ADGRF3: variants seen among roughly 807,000 people sequenced by gnomAD.
The protein encoded by ADGRF3 is G protein-coupled receptor 113.
A neutral mutation model predicts 93.2 loss-of-function variants in ADGRF3; 85 were observed. That is an observed-to-expected ratio of 0.91 (90% CI 0.77 to 1.09). ADGRF3 has a LOEUF of 1.09. ADGRF3 is among the 50% of genes least tolerant of loss of function. ADGRF3 has a pLI of 0.00. For missense variants in ADGRF3, 1,125 were observed against 1,246.2 expected (o/e 0.90, Z 1.46); for synonymous variants, 534 against 532.5 (o/e 1.00, Z -0.04).
At chr2:26,322,672 G>C (rs927315088) in intron 1 of ADGRF3, among the ~76,000 whole-genome samples, 2 of 152,224 alleles carry the variant, frequency 1.3e-5, no homozygotes, top group Non-Finnish European at 2.9e-5. Flanking sequence ...GCCTAGCACC[G>C]TGCATTGGAG....
chr2:26,324,112 G>A (rs917097768), intron 1 of ADGRF3, among the ~76,000 whole-genome samples: 4 of 152,128 alleles, frequency 2.6e-5, no homozygotes, highest in Admixed American at 6.5e-5. Flanking sequence ...TTAGCTGGGT[G>A]TGGCGGCACA....
chr2:26,320,724 T>G (rs1490718853), intron 1 of ADGRF3, among the ~76,000 whole-genome samples: 1 of 152,170 alleles, frequency 6.6e-6, no homozygotes, highest in African/African-American at 2.4e-5. Flanking sequence ...ATGAGTTGAT[T>G]AAACAATCAA....
chr2:26,330,397 C>T lies in ADGRF3; in HGVS notation c.115-12835G>A, dbSNP rs75011572. 9.0e-3 allele frequency among the ~76,000 whole-genome samples: 1,365 copies of T among 152,234 alleles called. 29 individuals carry two copies. Among genetic ancestry groups the T allele is most frequent in the African/African-American group, 0.031 (1,296 of 41,522 alleles). ...AGTACTTTCTGATTCCCTGGGACTC[C>T]TCTTTTTGGTTCTCTGGCCAGAAAT... On this transcript the variant is annotated intron_variant, in intron 1 of 13. Coordinates refer to ENST00000651242, the MANE Select transcript of ADGRF3 (RefSeq NM_001321971.2).
chr2:26,320,587 C>T (rs1675095754), intron 1 of ADGRF3, among the ~76,000 whole-genome samples: 2 of 152,156 alleles, frequency 1.3e-5, no homozygotes, highest in Admixed American at 1.3e-4. Flanking sequence ...CAAGAAGATA[C>T]TATTTCTCAC....
intron 4 of ADGRF3, 89 bp downstream of exon 4, chr2:26,316,186 G>A (rs13422500): frequency 0.047 from 64,508 of 1,362,770 alleles, 5,035 homozygotes; most frequent in African/African-American, 0.34. Context: ...GGACCAGCTG[G>A]CCAAACTACA....
intron 1 of ADGRF3, chr2:26,317,954 G>A (rs1383540959): frequency 2.3e-6 from 3 of 1,276,910 alleles, no homozygotes; most frequent in East Asian, 5.0e-5. Context: ...TGACAGCAGG[G>A]TGAGCAGAAG....
chr2:26,313,881 G>A lies in ADGRF3; in HGVS notation c.951C>T (p.Gly317=). ...GAACAGCCAGCACAAAGCACTGAGA[G>A]CCTGACTCGTTGAAGGAGGAAGCTG... The part of the protein sequence containing the change: ...GSKASSFNES[G]SQCFVLAVQR... The change falls in exon 7 of 14, where the codon GGC becomes GGT. Residue 317 remains glycine (G), a synonymous_variant. Transcript: ENST00000651242. 1 of 1,614,046 alleles carries A rather than the reference G, an allele frequency of 6.2e-7. No homozygotes were observed. Among genetic ancestry groups the A allele is most frequent in the Admixed American group, 1.7e-5 (1 of 60,030 alleles).
chr2:26,344,732 C>T (rs1182522744), intron 1 of ADGRF3, among the ~76,000 whole-genome samples: 1 of 152,068 alleles, frequency 6.6e-6, no homozygotes, highest in Non-Finnish European at 1.5e-5. Flanking sequence ...ACTTGGGAGA[C>T]GGAAGCAAGA....
At chr2:26,318,753 G>A in intron 1 of ADGRF3, 1 of 709,412 alleles carries the variant, frequency 1.4e-6, no homozygotes, top group South Asian at 2.0e-5. Flanking sequence ...ACTCAAATAA[G>A]GAAACAAGAG....
chr2:26,316,859 G>C, intron 3 of ADGRF3, 53 bp downstream of exon 3: 1 of 1,538,934 alleles, frequency 6.5e-7, no homozygotes, highest in African/African-American at 1.4e-5. Context: ...GCTGCAGGAG[G>C]CCCGGGAGCC....
chr2:26,327,833 T>TA (rs113090429), intron 1 of ADGRF3, among the ~76,000 whole-genome samples: 46 of 146,504 alleles, frequency 3.1e-4, no homozygotes, highest in African/African-American at 6.7e-4. Flanking sequence ...CGTCTTCTTT[T>TA]AAAAAAAAAA....
At position 26,311,060 on chromosome 2, in the gene ADGRF3, C is replaced by T; in HGVS notation, c.2464G>A (p.Gly822Ser). ...GCCAACCCCAGTGGGCACAGGTAGC[C>T]CAGGAGCACCATGAGGGGGAGAACT... ...HRVLPLMVLL[G>S]YLCPLGLAGV... The change falls in exon 10 of 14, where the codon GGC becomes AGC. Residue 822 changes from glycine to serine, a missense_variant. Gly to Ser is a moderately conservative substitution (Grantham distance 56, BLOSUM62 0). Transcript: ENST00000651242. 1.2e-6 allele frequency: 2 copies of T among 1,608,590 alleles called. No homozygotes were observed. Among genetic ancestry groups the T allele is most frequent in the Non-Finnish European group, 1.7e-6 (2 of 1,177,636 alleles).
intron 1 of ADGRF3, among the ~76,000 whole-genome samples, chr2:26,326,773 C>A (rs1054020693): frequency 1.3e-5 from 2 of 151,922 alleles, no homozygotes; most frequent in Non-Finnish European, 2.9e-5. Flanking sequence ...ATGGAAGTAG[C>A]CTTTTTCTTT....
chr2:26,316,515 C>G, intron 3 of ADGRF3, 67 bp from the exon 4 acceptor site: 1 of 1,473,634 alleles, frequency 6.8e-7, no homozygotes, highest in Non-Finnish European at 9.2e-7. Context: ...AGGGCAGACA[C>G]CTGCCTGATG....
intron 1 of ADGRF3, chr2:26,317,954 G>T: frequency 7.8e-7 from 1 of 1,277,028 alleles, no homozygotes; most frequent in South Asian, 1.3e-5. Context: ...TGACAGCAGG[G>T]TGAGCAGAAG....
Position 26,311,042 on chromosome 2 carries a change from C to A in ADGRF3, c.2482G>T (p.Gly828Trp), listed in dbSNP as rs1421569965. The A allele has an allele frequency of 1.2e-6, 2 of 1,610,404 alleles. No individual in the cohort carries two copies. Among genetic ancestry groups the A allele is most frequent in the East Asian group, 2.2e-5 (1 of 44,678 alleles). The change falls in exon 10 of 14, where the codon GGG becomes TGG. Residue 828 changes from glycine (G) to tryptophan (W), a missense_variant. Gly to Trp is a radical substitution (Grantham distance 184). Transcript: ENST00000651242. ...AGCCCCAGGGTGACACCTGCCAACC[C>A]CAGTGGGCACAGGTAGCCCAGGAGC... ...MVLLGYLCPLGLAGVTLGLYL... is the reference protein window; with the variant it reads ...MVLLGYLCPLWLAGVTLGLYL...
At chr2:26,342,841 T>G (rs1676468192) in intron 1 of ADGRF3, among the ~76,000 whole-genome samples, 1 of 152,174 alleles carries the variant, frequency 6.6e-6, no homozygotes, top group Non-Finnish European at 1.5e-5. Context: ...AACAGAAAGG[T>G]GACTTAGTTC....
chr2:26,326,854 C>A (rs781324430), intron 1 of ADGRF3, among the ~76,000 whole-genome samples: 6 of 152,158 alleles, frequency 3.9e-5, no homozygotes, highest in Non-Finnish European at 8.8e-5. Context: ...CTCACTGCAA[C>A]CTCCGTCTCC....
intron 5 of ADGRF3, 53 bp downstream of exon 5, chr2:26,315,469 G>T (rs988630148): frequency 1.1e-4 from 173 of 1,518,052 alleles, no homozygotes; most frequent in Non-Finnish European, 1.5e-4. Context: ...AGACGAGGAT[G>T]AAGGGAAGTA....
Sources: allele counts gnomAD v4.1 joint callset (sites outside exome capture counted in the v4.1 genomes callset), GRCh38; gene constraint gnomAD v4.1.1; transcripts MANE v1.5; gene names NCBI Gene and HGNC (gene_info 2026-07-23, HGNC 2026-07-21).